The following LAD1 variants were observed in gnomAD, a reference collection of about 807,000 sequenced individuals.
The protein encoded by LAD1 is ladinin 1, also known as ladinin-1.
A neutral mutation model predicts 54.2 loss-of-function variants in LAD1; 53 were observed. The observed-to-expected ratio is 0.98, with a 90% confidence interval of 0.78 to 1.23. LAD1 has a LOEUF of 1.23. LAD1 is among the 50% of genes most tolerant of loss of function. LAD1 has a pLI of 0.00. For missense variants in LAD1, 637 were observed against 653.3 expected, an observed-to-expected ratio of 0.98 and a Z score of 0.27; for synonymous variants, 231 against 257.7, an observed-to-expected ratio of 0.90 and a Z score of 0.99.
rs1033430409 is a variant in LAD1 at position 201,387,412 on chromosome 1, C to T, written c.183-234G>A. On this transcript the variant is annotated intron_variant, in intron 2 of 9. Coordinates refer to ENST00000391967, the MANE Select transcript of LAD1 (RefSeq NM_005558.4). ...GCTTATAAATTCCTATGAAGTCCAA[C>T]GACTCCATGTTCAGACGTAGTCAAC... Among the ~76,000 whole-genome samples the T allele has an allele frequency of 1.2e-4, 18 of 152,332 alleles. 1 individual carries two copies. Among genetic ancestry groups the T allele is most frequent in the Middle Eastern group, 6.8e-3 (2 of 294 alleles).
intron 2 of LAD1, among the ~76,000 whole-genome samples, chr1:201,388,053 T>C (rs1453924000): frequency 6.6e-6 from 1 of 152,050 alleles, no homozygotes; most frequent in Non-Finnish European, 1.5e-5. Flanking sequence ...CACCTCATAA[T>C]CCCAAAATCT....
intron 1 of LAD1, among the ~76,000 whole-genome samples, chr1:201,389,744 C>A (rs982515178): frequency 6.6e-6 from 1 of 151,434 alleles, no homozygotes; most frequent in African/African-American, 2.4e-5. Context: ...ATCACTTGAA[C>A]CCAGGAGGCA....
intron 1 of LAD1, among the ~76,000 whole-genome samples, chr1:201,398,578 C>T (rs568400055): frequency 5.7e-4 from 87 of 152,294 alleles, no homozygotes; most frequent in Non-Finnish European, 8.2e-4. Flanking sequence ...TCTGAACACC[C>T]GCCTTCCCCA....
intron 3 of LAD1, 115 bp from the exon 4 acceptor site, chr1:201,385,920 C>A: frequency 1.3e-6 from 1 of 762,228 alleles, no homozygotes; most frequent in Non-Finnish European, 2.3e-6. Context: ...ATGAGACAGC[C>A]CTGTGCCTTC....
At chr1:201,384,947 ACC>A in intron 4 of LAD1, 112 bp from the exon 5 acceptor site, 1 of 944,188 alleles carries the variant, frequency 1.1e-6, no homozygotes, top group African/African-American at 1.6e-5. Context: ...CAGACCTCCC[ACC>A]CCTTCTACCA....
At chr1:201,384,922 T>C in intron 4 of LAD1, 87 bp from the exon 5 acceptor site, 1 of 1,298,718 alleles carries the variant, frequency 7.7e-7, no homozygotes, top group Non-Finnish European at 1.1e-6. Flanking sequence ...TCTCAAGACA[T>C]GTCCTCCTCC....
intron 5 of LAD1, 87 bp from the exon 6 acceptor site, chr1:201,383,476 C>T (rs1662010799): frequency 8.3e-7 from 1 of 1,206,440 alleles, no homozygotes; most frequent in African/African-American, 1.5e-5. Context: ...GCAGCCCCAT[C>T]ACACGTTCTC....
At chr1:201,397,771 T>C (rs1662323685) in intron 1 of LAD1, among the ~76,000 whole-genome samples, 1 of 150,508 alleles carries the variant, frequency 6.6e-6, no homozygotes, top group African/African-American at 2.5e-5. Flanking sequence ...AGATGTGTCA[T>C]CTCTTCATAG....
intron 1 of LAD1, 33 bp downstream of exon 1, chr1:201,399,236 C>T (rs1259297152): frequency 1.3e-6 from 2 of 1,528,174 alleles, no homozygotes; most frequent in East Asian, 2.4e-5. Flanking sequence ...CCCCGCCGAC[C>T]CCCCGCCCCT....
At chr1:201,393,463 T>C (rs1206507569) in intron 1 of LAD1, among the ~76,000 whole-genome samples, 1 of 152,184 alleles carries the variant, frequency 6.6e-6, no homozygotes, top group Non-Finnish European at 1.5e-5. Flanking sequence ...GGAACAGTAG[T>C]GGCTGGGCAC....
At chr1:201,382,379 G>A in intron 8 of LAD1, 53 bp from the exon 9 acceptor site, 1 of 1,411,610 alleles carries the variant, frequency 7.1e-7, no homozygotes, top group Non-Finnish European at 1.0e-6. Flanking sequence ...GCTCCAAAGG[G>A]CTCGGGATAC....
chr1:201,389,753 C>A (rs1311831673), intron 1 of LAD1, among the ~76,000 whole-genome samples: 1 of 151,698 alleles, frequency 6.6e-6, no homozygotes, highest in African/African-American at 2.4e-5. Flanking sequence ...ACCCAGGAGG[C>A]AGAGGTTGCA....
chr1:201,389,373 G>C (rs1662158505), intron 1 of LAD1, 70 bp from the exon 2 acceptor site: 3 of 1,548,844 alleles, frequency 1.9e-6, no homozygotes, highest in South Asian at 2.4e-5. Flanking sequence ...GGCTCCTCTA[G>C]GGCTGGGAGA....
At position 201,386,496 on chromosome 1, in the gene LAD1, G is replaced by A; in HGVS notation, c.865C>T (p.Gln289Ter). 1 of 1,580,246 alleles carries A rather than the reference G, an allele frequency of 6.3e-7. No homozygotes were observed. Among genetic ancestry groups the A allele is most frequent in the East Asian group, 2.2e-5 (1 of 44,672 alleles). The change falls in exon 3 of 10, where the codon CAG (glutamine) becomes TAG (stop). Residue 289 changes from glutamine to a stop codon, truncating the protein, a stop_gained. Coordinates refer to ENST00000391967, the MANE Select transcript of LAD1 (RefSeq NM_005558.4). LOFTEE classifies it high-confidence loss of function. ...GCTGGCGGCTCCTGCGCCAGGGGCT[G>A]CTCTGAGGCTGTGGCCCTCTTTGGG... ...PAPKRATASE[Q>*]PLAQEPPASG...
At chr1:201,388,912 C>A (rs1337234872) in intron 2 of LAD1, among the ~76,000 whole-genome samples, 1 of 152,204 alleles carries the variant, frequency 6.6e-6, no homozygotes, top group Non-Finnish European at 1.5e-5. Context: ...ATTACGTGAG[C>A]TATGGCCATA....
chr1:201,381,802 A>T lies in LAD1; in HGVS notation c.*86T>A. The T allele has an allele frequency of 7.2e-7, 1 of 1,397,894 alleles. No individual in the cohort carries two copies. The highest frequency in any genetic ancestry group is 1.0e-6 in the Non-Finnish European group (1 of 982,752). The allele number at this position is 1,397,894 out of a possible 1,614,324, so 86.6% of individuals were successfully genotyped here. On this transcript the variant is annotated 3_prime_UTR_variant, in exon 10 of 10. Coordinates refer to ENST00000391967, the MANE Select transcript of LAD1 (RefSeq NM_005558.4). ...AAAAGGGAACAGGGACAATGAGAGGAAAGGGTGCTGCTGTGAGAGGCAGGG... is the reference window on the plus strand; with the variant it reads ...AAAAGGGAACAGGGACAATGAGAGGTAAGGGTGCTGCTGTGAGAGGCAGGG...
intron 1 of LAD1, among the ~76,000 whole-genome samples, chr1:201,390,828 G>A (rs932262122): frequency 6.6e-6 from 1 of 152,202 alleles, no homozygotes; most frequent in African/African-American, 2.4e-5. Context: ...CCACTGGGTT[G>A]AACTGTACTC....
intron 1 of LAD1, among the ~76,000 whole-genome samples, chr1:201,397,726 C>G (rs937718466): frequency 8.5e-5 from 13 of 152,078 alleles, no homozygotes; most frequent in Admixed American, 2.6e-4. Context: ...CTGACAAACT[C>G]AAGACTCAGC....
At chr1:201,395,562 C>T (rs6688652) in intron 1 of LAD1, among the ~76,000 whole-genome samples, 25,311 of 151,918 alleles carry the variant, frequency 0.17, 2,589 homozygotes, top group Middle Eastern at 0.27. Flanking sequence ...GAGATCAGGC[C>T]GGCCAACATG....
Sources: allele counts gnomAD v4.1 joint callset (sites outside exome capture counted in the v4.1 genomes callset), GRCh38; gene constraint gnomAD v4.1.1; transcripts MANE v1.5; gene names NCBI Gene and HGNC (gene_info 2026-07-23, HGNC 2026-07-21).